EBF4: variants seen among roughly 807,000 people sequenced by gnomAD.
The protein encoded by EBF4 is transcription factor COE4.
A neutral mutation model predicts 67.1 loss-of-function variants in EBF4; 34 were observed. The observed-to-expected ratio is 0.51, with a 90% CI of 0.39 to 0.67. The LOEUF (loss-of-function observed/expected upper bound fraction) is 0.67, where lower values mean the gene tolerates loss of function less well. Ranked by LOEUF, EBF4 falls within the 30% of genes least tolerant of loss-of-function variation. The pLI is 0.00. For missense variants in EBF4, 837 were observed against 873.3 expected (o/e 0.96, Z 0.52); for synonymous variants, 387 against 377.7 (o/e 1.02, Z -0.29).
intron 6 of EBF4, among the ~76,000 whole-genome samples, chr20:2,723,274 A>G (rs1161408981): frequency 6.6e-6 from 1 of 152,082 alleles, no homozygotes; most frequent in Admixed American, 6.5e-5. Flanking sequence ...TTTGCCTCAG[A>G]TACTTTTTAC....
In EBF4 at chr20:2,751,037, G is replaced by A. The variant is rs1302898574; in HGVS notation, c.1019-663G>A. 6.6e-6 allele frequency among the ~76,000 whole-genome samples: 1 copy of A among 152,048 alleles called. No individual in the cohort carries two copies. The highest frequency in any genetic ancestry group is 1.5e-5 in the Non-Finnish European group (1 of 68,018). On this transcript the variant is annotated intron_variant, in intron 10 of 16. Transcript: ENST00000609451. This position sits in a 1 kb window ranked among gnomAD's most constrained non-coding sequence, Gnocchi z 5.2. ...GTGCGGGGATCAGGAAAAGGGGAAG[G>A]AGGAGGAGAAGGGCGTGGGGAGCTG...
At chr20:2,732,974 T>C (rs1362383766) in intron 6 of EBF4, among the ~76,000 whole-genome samples, 1 of 152,246 alleles carries the variant, frequency 6.6e-6, no homozygotes. Context: ...TAGTGACTTT[T>C]ACCAGTGCTC....
intron 6 of EBF4, among the ~76,000 whole-genome samples, chr20:2,711,345 A>G (rs765337973): frequency 3.3e-5 from 5 of 152,218 alleles, no homozygotes; most frequent in Non-Finnish European, 7.3e-5. Context: ...TAATTTATTT[A>G]AATAGTCAGA....
At chr20:2,703,510 G>A (rs2087406788) in intron 1 of EBF4, among the ~76,000 whole-genome samples, 1 of 152,044 alleles carries the variant, frequency 6.6e-6, no homozygotes. Context: ...AAGGCAGAAG[G>A]ATCATTTAGC....
chr20:2,704,919 C>T (rs57779772), intron 1 of EBF4, among the ~76,000 whole-genome samples: 39,453 of 152,038 alleles, frequency 0.26, 5,187 homozygotes, highest in East Asian at 0.36. Context: ...CAGGAGAGAT[C>T]CCTTAGCAAG....
chr20:2,703,164 G>A (rs1379285575), intron 1 of EBF4, among the ~76,000 whole-genome samples: 1 of 151,794 alleles, frequency 6.6e-6, no homozygotes, highest in Non-Finnish European at 1.5e-5. Context: ...GGCTGAGGTG[G>A]GAGGATTGCC....
rs1018983457 is a variant in EBF4, at chr20:2,751,288, G to A, written c.1019-412G>A. On this transcript the variant is annotated intron_variant, in intron 10 of 16. Transcript: ENST00000609451. The surrounding 1 kb of genome is among the most constrained non-coding windows in gnomAD (Gnocchi z 5.2). The stretch of plus-strand genomic sequence containing the variant: ...AGAGTCCACTTGAGCCGTGATAAAT[G>A]GAGATTGTTAAGTTTTTTCTTTTTT... Among the ~76,000 whole-genome samples, 11 of 152,300 alleles carry A rather than the reference G, an allele frequency of 7.2e-5. No individual in the cohort carries two copies. Among genetic ancestry groups the A allele is most frequent in the African/African-American group, 1.9e-4 (8 of 41,554 alleles).
chr20:2,749,870 G>A lies in EBF4; in HGVS notation c.915G>A (p.Arg305=), dbSNP rs1345071896. The A allele has an allele frequency of 5.8e-6, 9 of 1,550,956 alleles. No individual in the cohort carries two copies. The East Asian group carries it at 1.7e-4, about 30-fold the overall frequency. The change falls in exon 10 of 17, where the codon CGG becomes CGA. Residue 305 remains arginine (R), a synonymous_variant. Transcript: ENST00000609451. ...AGCTCATCACGCCCCACGCCATCCG[G>A]GTGCAGACGCCCCCGCGGCACATCC...
chr20:2,748,588 C>T (rs2088089228), exon 7 of EBF4: 2 of 1,551,392 alleles, frequency 1.3e-6, no homozygotes, highest in Non-Finnish European at 1.7e-6. Flanking sequence ...ACCAGAACTG[C>T]CTGAAGAATG....
At chr20:2,697,615 A>C (rs2087314946) in intron 1 of EBF4, among the ~76,000 whole-genome samples, 1 of 151,976 alleles carries the variant, frequency 6.6e-6, no homozygotes, top group Non-Finnish European at 1.5e-5. Context: ...AACTGGAGGC[A>C]ATGGGGATGG....
Position 2,707,871 on chromosome 20 carries a change from C to A in EBF4, c.415-76C>A. On this transcript the variant is annotated intron_variant, in intron 4 of 16. Transcript: ENST00000609451. This position sits in a 1 kb window ranked among gnomAD's most constrained non-coding sequence, Gnocchi z 4.6. ...CCCTGGGCCTAGGCTTGGGAGATGCCAGGTCCGTCTGTGCTGCCACCTGCA... is the reference window on the plus strand; with the variant it reads ...CCCTGGGCCTAGGCTTGGGAGATGCAAGGTCCGTCTGTGCTGCCACCTGCA... The A allele has an allele frequency of 7.1e-7, 1 of 1,404,026 alleles. No individual in the cohort carries two copies. The highest frequency in any genetic ancestry group is 1.4e-5 in the South Asian group (1 of 72,430). The allele number at this position is 1,404,026 out of a possible 1,614,324, so 87.0% of individuals were successfully genotyped here. A position where few individuals can be genotyped will look rare whatever the true frequency, so the allele number is the denominator to read the frequency against.
chr20:2,752,527 G>T, exon 14 of EBF4: 1 of 1,250,428 alleles, frequency 8.0e-7, no homozygotes, highest in Non-Finnish European at 1.0e-6. Flanking sequence ...TGGCTCCACC[G>T]CCACCTCGCC....
chr20:2,697,476 C>A (rs1296585080), intron 1 of EBF4, among the ~76,000 whole-genome samples: 15 of 146,516 alleles, frequency 1.0e-4, no homozygotes, highest in African/African-American at 1.5e-4. Context: ...ACCCGGGAGG[C>A]GGAGCTTGCA....
chr20:2,710,563 G>GT (rs11475156), intron 6 of EBF4, among the ~76,000 whole-genome samples: 32,069 of 147,078 alleles, frequency 0.22, 3,572 homozygotes, highest in South Asian at 0.3. Flanking sequence ...TACTGTACAT[G>GT]TTTTTTTTTT....
At chr20:2,729,725 C>G (rs57765630) in intron 6 of EBF4, among the ~76,000 whole-genome samples, 7,854 of 152,212 alleles carry the variant, frequency 0.052, 647 homozygotes, top group African/African-American at 0.18. Flanking sequence ...TCAGCTGAAA[C>G]CAAGACAAAA....
At chr20:2,705,511 C>T (rs891520361) in intron 1 of EBF4, 66 bp from the exon 2 acceptor site, 110 of 1,548,748 alleles carry the variant, frequency 7.1e-5, no homozygotes, top group African/African-American at 3.0e-4. Context: ...CTGCCTGGCC[C>T]GAGGCGCTGG....
At chr20:2,721,380 T>A (rs1346238534) in intron 6 of EBF4, among the ~76,000 whole-genome samples, 6 of 152,106 alleles carry the variant, frequency 3.9e-5, no homozygotes, top group Non-Finnish European at 8.8e-5. Context: ...CATGCAATTT[T>A]AAAAATCTCA....
chr20:2,700,878 T>C (rs1325001577), intron 1 of EBF4, among the ~76,000 whole-genome samples: 6 of 152,232 alleles, frequency 3.9e-5, no homozygotes, highest in Admixed American at 1.3e-4. Flanking sequence ...TCTCGAGTCC[T>C]ATTCCCCGCA....
Position 2,742,396 on chromosome 20 carries a change from T to C in EBF4, c.558-6153T>C, listed in dbSNP as rs187014504. 9.5e-4 allele frequency among the ~76,000 whole-genome samples: 145 copies of C among 152,268 alleles called. 1 individual carries two copies. The highest frequency in any genetic ancestry group is 3.2e-3 in the African/African-American group (135 of 41,554). ...GTTAGACCTGGTTCCCTGTTTTTCT[T>C]TTTTTGTTGTTTGTTTGTTTGTTTT... On this transcript the variant is annotated intron_variant, in intron 6 of 16. Coordinates refer to ENST00000609451, the Ensembl canonical transcript of EBF4.
Sources: gnomAD v4.1 joint callset for allele counts (sites outside exome capture counted in the v4.1 genomes callset) on GRCh38, gnomAD v4.1.1 for gene constraint, Gnocchi (gnomAD v3.1) non-coding constraint, MANE v1.5 for transcripts, NCBI Gene and HGNC (gene_info 2026-07-23, HGNC 2026-07-21) for gene names.